AGBL4: variants seen among roughly 807,000 people sequenced by gnomAD.
The protein encoded by AGBL4 is AGBL carboxypeptidase 4.
In AGBL4, 58 loss-of-function variants were observed where a neutral mutation model predicts 66.4. The ratio of observed to expected loss-of-function variants is 0.87; its 90% CI spans 0.71 to 1.09. The LOEUF (loss-of-function observed/expected upper bound fraction) is 1.09. Ranked by LOEUF, AGBL4 falls within the 50% of genes least tolerant of loss-of-function variation. The pLI is 0.00. For synonymous variants in AGBL4, 234 were observed against 222.9 expected (o/e 1.05, Z -0.44); for missense variants, 579 against 631.0 (o/e 0.92, Z 0.88).
chr1:48,564,343 A>G (rs1644441938), intron 11 of AGBL4, among the ~76,000 whole-genome samples: 1 of 151,996 alleles, frequency 6.6e-6, no homozygotes, highest in Admixed American at 6.6e-5. Flanking sequence ...TAATCATGGT[A>G]GTCAGGGCCT....
rs187434192 is a variant in AGBL4, at chr1:49,723,534, A to G, written c.158-26097T>C. 2.8e-3 allele frequency among the ~76,000 whole-genome samples: 430 copies of G among 152,256 alleles called. 2 individuals carry two copies. The highest frequency in any genetic ancestry group is 4.2e-3 in the Non-Finnish European group (283 of 68,012). On this transcript the variant is annotated intron_variant, in intron 2 of 13. Transcript: ENST00000371839. ...ATACAGTTTTATTTACTGTTTCCAC[A>G]AAGATATACAATCTTGGCACATTTC...
At chr1:50,001,013 AT>A (rs1305547428) in intron 1 of AGBL4, among the ~76,000 whole-genome samples, 2 of 151,990 alleles carry the variant, frequency 1.3e-5, no homozygotes, top group African/African-American at 4.8e-5. Flanking sequence ...ACTAAAAAAA[AT>A]AAAAATAAAA....
intron 3 of AGBL4, among the ~76,000 whole-genome samples, chr1:49,684,790 A>G (rs1263861367): frequency 6.6e-6 from 1 of 152,190 alleles, no homozygotes; most frequent in African/African-American, 2.4e-5. Flanking sequence ...AGTTTTTCCT[A>G]TTTAAGGCAG....
intron 3 of AGBL4, among the ~76,000 whole-genome samples, chr1:49,357,862 A>G (rs545906255): frequency 2.0e-5 from 3 of 152,152 alleles, no homozygotes; most frequent in Non-Finnish European, 4.4e-5. Context: ...TTCATACAGC[A>G]TTACACTCAA....
At chr1:49,401,775 T>G (rs1321443119) in intron 3 of AGBL4, among the ~76,000 whole-genome samples, 1 of 152,168 alleles carries the variant, frequency 6.6e-6, no homozygotes, top group Non-Finnish European at 1.5e-5. Context: ...GCTTTAAATG[T>G]TTGGTAGAAT....
At chr1:49,928,497 CCTTG>C in intron 1 of AGBL4, among the ~76,000 whole-genome samples, 1 of 152,242 alleles carries the variant, frequency 6.6e-6, no homozygotes, top group East Asian at 1.9e-4. Flanking sequence ...GATCCACCCA[CCTTG>C]ACCTCCCAAA....
rs374027159 is a variant in AGBL4 at position 49,435,755 on chromosome 1, G to A, written c.283-189891C>T. 3.3e-5 allele frequency among the ~76,000 whole-genome samples: 5 copies of A among 152,114 alleles called. No homozygotes were observed. The East Asian group carries it at 7.7e-4, about 23-fold the overall frequency. ...TAGATTCCTATCAAGTAACTGGGAA[G>A]GTTTGGTAGCTTGGGCTTATTCTTA... is the stretch of plus-strand genomic sequence containing the variant. On this transcript the variant is annotated intron_variant, in intron 3 of 13. Coordinates refer to ENST00000371839, the MANE Select transcript of AGBL4 (RefSeq NM_032785.4).
intron 4 of AGBL4, among the ~76,000 whole-genome samples, chr1:49,134,304 T>C (rs1183238637): frequency 6.6e-6 from 1 of 152,118 alleles, no homozygotes; most frequent in African/African-American, 2.4e-5. Flanking sequence ...ACATTGTCAT[T>C]GATAAACATC....
intron 12 of AGBL4, among the ~76,000 whole-genome samples, chr1:48,537,500 A>T (rs1643992885): frequency 6.6e-6 from 1 of 152,062 alleles, no homozygotes. Context: ...CTTCACTGGT[A>T]GACACTGAAC....
At chr1:49,817,314 T>C (rs1312606780) in intron 2 of AGBL4, among the ~76,000 whole-genome samples, 7 of 152,108 alleles carry the variant, frequency 4.6e-5, no homozygotes, top group Admixed American at 3.3e-4. Context: ...ACAAGGAGAT[T>C]CTAGATCATG....
intron 3 of AGBL4, among the ~76,000 whole-genome samples, chr1:49,404,826 A>C (rs1235648378): frequency 1.3e-5 from 2 of 152,254 alleles, no homozygotes; most frequent in Non-Finnish European, 2.9e-5. Context: ...CTGAATTAAA[A>C]TTTGGAAAAA....
intron 3 of AGBL4, among the ~76,000 whole-genome samples, chr1:49,284,644 C>A (rs962471659): frequency 6.6e-6 from 1 of 152,278 alleles, no homozygotes. Context: ...CGTGCAGAGA[C>A]ACACATAGGG....
chr1:49,085,362 G>A (rs1369974087), intron 4 of AGBL4, among the ~76,000 whole-genome samples: 1 of 151,604 alleles, frequency 6.6e-6, no homozygotes, highest in Non-Finnish European at 1.5e-5. Flanking sequence ...TATACACTTG[G>A]CTCCCCTGGT....
intron 1 of AGBL4, among the ~76,000 whole-genome samples, chr1:49,985,131 T>C (rs1659394527): frequency 6.6e-6 from 1 of 152,190 alleles, no homozygotes; most frequent in Non-Finnish European, 1.5e-5. Context: ...GTACGAATAA[T>C]CTTGTCACCC....
At chr1:49,840,373 C>G (rs1190398589) in intron 2 of AGBL4, among the ~76,000 whole-genome samples, 1 of 152,062 alleles carries the variant, frequency 6.6e-6, no homozygotes, top group Non-Finnish European at 1.5e-5. Flanking sequence ...GTTTATCTAG[C>G]TAGCAGTCTA....
In AGBL4 at chr1:48,536,088, G is replaced by C. The variant is rs142717884; in HGVS notation, c.1365-1172C>G. Among the ~76,000 whole-genome samples the C allele has an allele frequency of 7.0e-3, 1,064 of 152,238 alleles. 12 individuals are homozygous for C. The highest frequency in any genetic ancestry group is 0.024 in the African/African-American group (992 of 41,518). ...ACAAAACACAGTTAGGAGCTCAGCA[G>C]AGAGGAAGCAGCTCTGTCTCGGGCA... On this transcript the variant is annotated intron_variant, in intron 12 of 13. Coordinates refer to ENST00000371839, the MANE Select transcript of AGBL4 (RefSeq NM_032785.4).
At chr1:49,198,701 T>C (rs1570035136) in intron 4 of AGBL4, among the ~76,000 whole-genome samples, 2 of 152,290 alleles carry the variant, frequency 1.3e-5, no homozygotes, top group East Asian at 3.9e-4. Flanking sequence ...TGGAAAAGCA[T>C]TGTTTGCCAT....
intron 4 of AGBL4, among the ~76,000 whole-genome samples, chr1:49,071,980 T>C (rs1394258396): frequency 1.3e-5 from 2 of 152,322 alleles, no homozygotes. Flanking sequence ...GTTGAATTGA[T>C]CCCTTTACCA....
At chr1:49,702,398 G>A (rs1647114141) in intron 2 of AGBL4, among the ~76,000 whole-genome samples, 1 of 152,054 alleles carries the variant, frequency 6.6e-6, no homozygotes, top group South Asian at 2.1e-4. Context: ...GGCTGAGGAA[G>A]GAGAATCACT....
Sources: allele counts gnomAD v4.1 joint callset (sites outside exome capture counted in the v4.1 genomes callset), GRCh38; gene constraint gnomAD v4.1.1; transcripts MANE v1.5; gene names NCBI Gene and HGNC (gene_info 2026-07-23, HGNC 2026-07-21).